The following GPC6 variants were observed in gnomAD, a reference collection of about 807,000 sequenced individuals.
The protein encoded by GPC6 is glypican 6.
A neutral mutation model predicts 55.2 loss-of-function variants in GPC6; 14 were observed. That is an observed-to-expected ratio of 0.25 (90% CI 0.17 to 0.40). The LOEUF is 0.40. GPC6 is among the 10% of genes least tolerant of loss of function. GPC6 has a pLI of 1.00. For missense variants in GPC6, 641 were observed against 708.5 expected, an observed-to-expected ratio of 0.90 and a Z score of 1.08; for synonymous variants, 278 against 259.6, an observed-to-expected ratio of 1.07 and a Z score of -0.68.
intron 4 of GPC6, among the ~76,000 whole-genome samples, chr13:94,140,710 A>G (rs1887343917): frequency 6.6e-6 from 1 of 152,130 alleles, no homozygotes; most frequent in African/African-American, 2.4e-5. Context: ...CTTCCAGGTC[A>G]TTGTAAACCT....
At chr13:93,323,126 C>A (rs756192278) in intron 1 of GPC6, among the ~76,000 whole-genome samples, 1 of 151,996 alleles carries the variant, frequency 6.6e-6, no homozygotes, top group Non-Finnish European at 1.5e-5. Context: ...TTTTGGGGAC[C>A]ATTGGTAGGC....
At chr13:93,519,741 TC>T (rs1881336944) in intron 1 of GPC6, among the ~76,000 whole-genome samples, 1 of 151,908 alleles carries the variant, frequency 6.6e-6, no homozygotes, top group Non-Finnish European at 1.5e-5. Context: ...TAGATGAGGC[TC>T]TTTCATGCCT....
At chr13:93,791,382 A>T (rs963034485) in intron 2 of GPC6, among the ~76,000 whole-genome samples, 7 of 152,078 alleles carry the variant, frequency 4.6e-5, no homozygotes, top group African/African-American at 1.7e-4. Context: ...TAAAGATGTA[A>T]TTTTTTCCTA....
intron 2 of GPC6, among the ~76,000 whole-genome samples, chr13:93,747,759 A>G (rs1884447961): frequency 2.0e-5 from 3 of 152,202 alleles, no homozygotes; most frequent in Admixed American, 1.3e-4. Context: ...AAGCTATGAC[A>G]TCTGCTAGAT....
At chr13:93,241,664 A>G (rs1876434014) in intron 1 of GPC6, among the ~76,000 whole-genome samples, 1 of 152,112 alleles carries the variant, frequency 6.6e-6, no homozygotes. Context: ...GGTATTTCCA[A>G]GATTTCATTT....
intron 2 of GPC6, among the ~76,000 whole-genome samples, chr13:93,779,125 C>T (rs889820454): frequency 1.3e-5 from 2 of 152,052 alleles, no homozygotes; most frequent in African/African-American, 4.8e-5. Context: ...GCTTTTCTTT[C>T]CAGTTTATTA....
At chr13:94,306,357 G>T in intron 6 of GPC6, 1 of 569,958 alleles carries the variant, frequency 1.8e-6, no homozygotes, top group East Asian at 3.1e-5. Flanking sequence ...TGTATGCAGT[G>T]ACCACATTTT....
At chr13:93,452,853 G>GCTCAA (rs1878280565) in intron 1 of GPC6, among the ~76,000 whole-genome samples, 1 of 152,100 alleles carries the variant, frequency 6.6e-6, no homozygotes, top group African/African-American at 2.4e-5. Context: ...AAGCATTGGT[G>GCTCAA]TATATTACAT....
chr13:94,333,087 T>C (rs958350395), intron 6 of GPC6, among the ~76,000 whole-genome samples: 1 of 152,204 alleles, frequency 6.6e-6, no homozygotes, highest in Non-Finnish European at 1.5e-5. Context: ...TATGAATTAA[T>C]ATCGGTATAC....
intron 3 of GPC6, among the ~76,000 whole-genome samples, chr13:93,862,772 C>T (rs1465849148): frequency 6.6e-6 from 1 of 151,760 alleles, no homozygotes; most frequent in Admixed American, 6.6e-5. Context: ...TATGTTGCCA[C>T]TGTAGTATAT....
intron 3 of GPC6, among the ~76,000 whole-genome samples, chr13:93,950,274 C>T (rs948756796): frequency 2.6e-5 from 4 of 152,138 alleles, no homozygotes; most frequent in Non-Finnish European, 5.9e-5. Context: ...ATAATGAAAA[C>T]GTTAGAAGCC....
intron 4 of GPC6, among the ~76,000 whole-genome samples, chr13:94,125,774 C>T (rs950336007): frequency 1.4e-4 from 21 of 151,376 alleles, no homozygotes; most frequent in South Asian, 4.2e-4. Context: ...AAGAAATGAG[C>T]GTGGAGCACT....
intron 4 of GPC6, among the ~76,000 whole-genome samples, chr13:94,063,436 T>C (rs1054586172): frequency 5.3e-5 from 8 of 152,152 alleles, no homozygotes; most frequent in African/African-American, 1.9e-4. Context: ...AAACAACAGA[T>C]TCTATTGCCT....
chr13:94,352,723 TTATTGAAC>T (rs960314776), intron 6 of GPC6, among the ~76,000 whole-genome samples: 2 of 152,188 alleles, frequency 1.3e-5, no homozygotes, highest in Non-Finnish European at 2.9e-5. Flanking sequence ...ATCAAGTACC[TTATTGAAC>T]TATCCTTAAT....
At chr13:93,804,679 G>A (rs1322818034) in intron 2 of GPC6, among the ~76,000 whole-genome samples, 2 of 152,116 alleles carry the variant, frequency 1.3e-5, no homozygotes, top group Non-Finnish European at 2.9e-5. Flanking sequence ...CAGTAGAGGG[G>A]TTAGATATAC....
At chr13:93,898,959 A>ATATATATG in intron 3 of GPC6, among the ~76,000 whole-genome samples, 1 of 146,854 alleles carries the variant, frequency 6.8e-6, no homozygotes, top group African/African-American at 2.5e-5. Flanking sequence ...ATATATATAT[A>ATATATATG]TATATATACA....
intron 3 of GPC6, among the ~76,000 whole-genome samples, chr13:93,886,008 T>C (rs1198720856): frequency 6.6e-6 from 1 of 152,068 alleles, no homozygotes; most frequent in Admixed American, 6.6e-5. Flanking sequence ...GGAGAACATA[T>C]AGAAGGCTCT....
intron 1 of GPC6, among the ~76,000 whole-genome samples, chr13:93,430,625 T>C (rs982069249): frequency 1.3e-5 from 2 of 152,170 alleles, no homozygotes; most frequent in African/African-American, 4.8e-5. Flanking sequence ...CAGCAAGCAC[T>C]GGCAGCCATA....
chr13:93,927,554 T>C (rs560038971), intron 3 of GPC6, among the ~76,000 whole-genome samples: 1 of 152,100 alleles, frequency 6.6e-6, no homozygotes, highest in South Asian at 2.1e-4. Flanking sequence ...ATATGCAGAG[T>C]TCAATGGGGG....
Sources: allele counts gnomAD v4.1 joint callset (sites outside exome capture counted in the v4.1 genomes callset), GRCh38; gene constraint gnomAD v4.1.1; transcripts MANE v1.5; gene names NCBI Gene and HGNC (gene_info 2026-07-23, HGNC 2026-07-21).